SLC41A2: variants seen among roughly 807,000 people sequenced by gnomAD.
SLC41A2 encodes the protein SLC41A1-like 1.
A neutral mutation model predicts 58.3 loss-of-function variants in SLC41A2; 32 were observed. The ratio of observed to expected loss-of-function variants is 0.55; its 90% confidence interval spans 0.41 to 0.74. The LOEUF (loss-of-function observed/expected upper bound fraction) is 0.74, where lower values mean the gene tolerates loss of function less well. Among genes scored for constraint, SLC41A2 ranks in the 30% least tolerant of loss-of-function variants. SLC41A2 has a pLI of 0.00. For synonymous variants in SLC41A2, 190 were observed against 235.0 expected, an observed-to-expected ratio of 0.81 and a Z score of 1.75; for missense variants, 514 against 680.6, an observed-to-expected ratio of 0.76 and a Z score of 2.72.
chr12:104,938,186 G>C (rs1028754056), intron 1 of SLC41A2, among the ~76,000 whole-genome samples: 1 of 152,158 alleles, frequency 6.6e-6, no homozygotes, highest in Non-Finnish European at 1.5e-5. Context: ...ATAAGGATAT[G>C]ACAAACACAC....
intron 3 of SLC41A2, among the ~76,000 whole-genome samples, chr12:104,908,588 T>C (rs1043087762): frequency 1.3e-5 from 2 of 152,214 alleles, no homozygotes; most frequent in African/African-American, 2.4e-5. Context: ...TCTGGTGACT[T>C]AGTTAAGTTT....
At chr12:104,864,508 T>C (rs1218992967) in intron 7 of SLC41A2, among the ~76,000 whole-genome samples, 1 of 152,210 alleles carries the variant, frequency 6.6e-6, no homozygotes, top group African/African-American at 2.4e-5. Context: ...ATAATATGCT[T>C]TCACTTGGGT....
chr12:104,884,992 G>C (rs2044584475), intron 6 of SLC41A2, among the ~76,000 whole-genome samples: 1 of 151,666 alleles, frequency 6.6e-6, no homozygotes, highest in South Asian at 2.1e-4. Flanking sequence ...ACAAATTAGA[G>C]CAAATTTAAG....
chr12:104,840,439 G>A (rs1320233337), intron 10 of SLC41A2, among the ~76,000 whole-genome samples: 1 of 152,212 alleles, frequency 6.6e-6, no homozygotes, highest in African/African-American at 2.4e-5. Context: ...ACACCTGGTA[G>A]TCTCATAAAT....
intron 10 of SLC41A2, among the ~76,000 whole-genome samples, chr12:104,817,938 G>A (rs1461051839): frequency 5.9e-5 from 9 of 152,020 alleles, no homozygotes; most frequent in Non-Finnish European, 1.5e-5. Context: ...TTGATACACA[G>A]CACATGACTA....
At chr12:104,861,263 A>G in intron 8 of SLC41A2, 28 bp downstream of exon 8, 1 of 1,505,652 alleles carries the variant, frequency 6.6e-7, no homozygotes, top group South Asian at 1.1e-5. Context: ...ATTTGATATT[A>G]TCATGAAACA....
At chr12:104,917,922 T>C (rs1207338189) in intron 2 of SLC41A2, among the ~76,000 whole-genome samples, 1 of 149,532 alleles carries the variant, frequency 6.7e-6, no homozygotes, top group South Asian at 2.1e-4. Context: ...TGTATACATA[T>C]GTAACTAACC....
chr12:104,897,689 A>C (rs537320677), intron 3 of SLC41A2, among the ~76,000 whole-genome samples: 1 of 152,340 alleles, frequency 6.6e-6, no homozygotes, highest in Admixed American at 6.5e-5. Context: ...TTTATAAAGC[A>C]AAGATTTTCA....
At chr12:104,858,318 A>T (rs2043089959) in intron 8 of SLC41A2, among the ~76,000 whole-genome samples, 1 of 152,202 alleles carries the variant, frequency 6.6e-6, no homozygotes, top group African/African-American at 2.4e-5. Flanking sequence ...TGAGAAAAAA[A>T]AAATCACAGG....
At chr12:104,916,043 T>G (rs2046305172) in intron 2 of SLC41A2, among the ~76,000 whole-genome samples, 1 of 152,128 alleles carries the variant, frequency 6.6e-6, no homozygotes, top group African/African-American at 2.4e-5. Flanking sequence ...GGTTTTTGTC[T>G]TTGGTTCTGT....
chr12:104,905,398 G>C (rs1389931863), intron 3 of SLC41A2, among the ~76,000 whole-genome samples: 2 of 152,234 alleles, frequency 1.3e-5, no homozygotes, highest in East Asian at 1.9e-4. Flanking sequence ...CCCTGAGCTA[G>C]ATATAAAGAC....
Position 104,845,825 on chromosome 12 carries a change from A to G in SLC41A2, c.1387+18T>C. On this transcript the variant is annotated intron_variant, in intron 9 of 10. Coordinates refer to ENST00000258538, the MANE Select transcript of SLC41A2 (RefSeq NM_001352171.3). ...ATAGCCCTTGATCTAAAATATGCAA[A>G]AATCCATAAGCACATACCTGGACCA... 2 of 1,590,570 alleles carry G rather than the reference A, an allele frequency of 1.3e-6. No homozygotes were observed. Among genetic ancestry groups the G allele is most frequent in the South Asian group, 1.1e-5 (1 of 87,442 alleles).
intron 10 of SLC41A2, among the ~76,000 whole-genome samples, chr12:104,822,680 C>A (rs551319098): frequency 1.3e-5 from 2 of 151,982 alleles, no homozygotes; most frequent in Non-Finnish European, 2.9e-5. Flanking sequence ...AGTATAGAGA[C>A]CTATTTCTTA....
At chr12:104,835,565 C>T (rs1649317075) in intron 10 of SLC41A2, among the ~76,000 whole-genome samples, 1 of 152,150 alleles carries the variant, frequency 6.6e-6, no homozygotes, top group Admixed American at 6.5e-5. Context: ...CACTATAAAA[C>T]TTCCTCCCCA....
intron 8 of SLC41A2, among the ~76,000 whole-genome samples, chr12:104,848,994 CTAAGA>C (rs556843548): frequency 1.7e-3 from 251 of 151,926 alleles, no homozygotes; most frequent in Middle Eastern, 0.01. Flanking sequence ...ATAAGTAGTG[CTAAGA>C]TAATTATTAA....
At chr12:104,837,634 A>G (rs1449811751) in intron 10 of SLC41A2, among the ~76,000 whole-genome samples, 1 of 152,140 alleles carries the variant, frequency 6.6e-6, no homozygotes, top group Non-Finnish European at 1.5e-5. Context: ...ATAAATAAGA[A>G]GAGTTCTGCA....
chr12:104,831,284 A>C (rs1487478116), intron 10 of SLC41A2, among the ~76,000 whole-genome samples: 1 of 152,056 alleles, frequency 6.6e-6, no homozygotes. Flanking sequence ...ATGTCTTAAA[A>C]ATAAAATGTC....
At chr12:104,873,451 C>A (rs376676123) in intron 6 of SLC41A2, among the ~76,000 whole-genome samples, 1 of 152,174 alleles carries the variant, frequency 6.6e-6, no homozygotes, top group East Asian at 1.9e-4. Flanking sequence ...AGGTTGTTTC[C>A]ATATCTAGAC....
chr12:104,820,596 G>A (rs1326860185), intron 10 of SLC41A2, among the ~76,000 whole-genome samples: 2 of 152,098 alleles, frequency 1.3e-5, no homozygotes, highest in Non-Finnish European at 2.9e-5. Context: ...AAATATTTAC[G>A]TACTTGACAT....
Sources: gnomAD v4.1 joint callset for allele counts (sites outside exome capture counted in the v4.1 genomes callset) on GRCh38, gnomAD v4.1.1 for gene constraint, MANE v1.5 for transcripts, NCBI Gene and HGNC (gene_info 2026-07-23, HGNC 2026-07-21) for gene names.